Variants in ARL13B observed in about 807,000 individuals in gnomAD.
ARL13B encodes ADP-ribosylation factor-like protein 13B.
Under a neutral mutation model 56.1 loss-of-function variants are expected in ARL13B, and 36 were observed. The observed-to-expected ratio is 0.64, with a 90% confidence interval of 0.49 to 0.85. ARL13B has a LOEUF of 0.85. Ranked by LOEUF, ARL13B falls within the 40% of genes least tolerant of loss-of-function variation. The probability of loss-of-function intolerance (pLI) is 0.00; values close to 1 mark genes in which losing one functional copy is unlikely to be tolerated. For missense variants in ARL13B, 519 were observed against 507.1 expected (o/e 1.02, Z -0.23); for synonymous variants, 178 against 171.1 (o/e 1.04, Z -0.32).
intron 3 of ARL13B, among the ~76,000 whole-genome samples, chr3:94,029,118 A>G (rs2107066984): frequency 6.6e-6 from 1 of 151,190 alleles, no homozygotes. Flanking sequence ...CCAGCAATAT[A>G]TGTTAAATCA....
chr3:94,016,878 C>T (rs186114405), intron 3 of ARL13B, among the ~76,000 whole-genome samples: 3 of 152,256 alleles, frequency 2.0e-5, no homozygotes, highest in African/African-American at 7.2e-5. Context: ...AACTCCTGAC[C>T]TCGTGATCCG....
intron 3 of ARL13B, among the ~76,000 whole-genome samples, chr3:94,027,835 C>G (rs1427722125): frequency 6.6e-6 from 1 of 152,006 alleles, no homozygotes; most frequent in Non-Finnish European, 1.5e-5. Flanking sequence ...TCGATATTTT[C>G]TGGTAGCCCT....
At chr3:94,030,393 ATTTT>A (rs11299685) in intron 3 of ARL13B, among the ~76,000 whole-genome samples, 1 of 119,966 alleles carries the variant, frequency 8.3e-6, no homozygotes. Context: ...CGCCTGGCTC[ATTTT>A]TTTTTTTTTT....
chr3:94,000,464 G>A lies in ARL13B; in HGVS notation c.131-3195G>A, dbSNP rs748814635. Among the ~76,000 whole-genome samples the A allele has an allele frequency of 5.3e-5, 8 of 151,628 alleles. 1 individual carries two copies. Among genetic ancestry groups the A allele is most frequent in the African/African-American group, 1.5e-4 (6 of 41,278 alleles). ...AGGGAACTATTGTTATTTTTGGTGC[G>A]AAAATTCTTTGCGTGGACTGGTCCC... On this transcript the variant is annotated intron_variant, in intron 2 of 9. Coordinates refer to ENST00000394222, the MANE Select transcript of ARL13B (RefSeq NM_001174150.2).
chr3:94,051,880 T>C (rs935508653), intron 9 of ARL13B, among the ~76,000 whole-genome samples: 56 of 152,066 alleles, frequency 3.7e-4, no homozygotes, highest in African/African-American at 1.4e-3. Flanking sequence ...TAGGTCAGTA[T>C]TGAAATATTT....
chr3:93,991,532 T>C (rs548484454), intron 1 of ARL13B, among the ~76,000 whole-genome samples: 2 of 152,236 alleles, frequency 1.3e-5, no homozygotes, highest in African/African-American at 4.8e-5. Flanking sequence ...ACATCACCAT[T>C]CCCAGCTAAT....
At chr3:93,980,760 TGG>T (rs1491561297) in intron 1 of ARL13B, among the ~76,000 whole-genome samples, 7 of 150,272 alleles carry the variant, frequency 4.7e-5, no homozygotes, top group African/African-American at 1.7e-4. Flanking sequence ...TGTGTGTGTG[TGG>T]AATTGAAAAC....
In ARL13B at chr3:93,988,786, A is replaced by ATT. The variant is rs35677824; in HGVS notation, c.60-7073_60-7072dup. 854 of 341,660 alleles carry ATT rather than the reference A, an allele frequency of 2.5e-3. 1 individual carries two copies. Among genetic ancestry groups the ATT allele is most frequent in the Non-Finnish European group, 3.0e-3 (536 of 179,680 alleles). 21.2% of individuals were successfully genotyped at this position (341,660 alleles called of 1,614,324 possible). The stretch of plus-strand genomic sequence containing the variant: ...TGCTCCCCTTTTCCCATTTGTTTGC[A>ATT]TTTTTTTTTTTTTTTTAATCTGAAG... On this transcript the variant is annotated intron_variant, in intron 1 of 9. Transcript: ENST00000394222.
rs2076891307 is a variant in ARL13B at position 94,043,100 on chromosome 3, A to G, written c.884A>G (p.His295Arg). 6.2e-7 allele frequency: 1 copy of G among 1,613,794 alleles called. No homozygotes were observed. The highest frequency in any genetic ancestry group is 8.5e-7 in the Non-Finnish European group (1 of 1,179,936). Residue 295 changes from histidine (H) to arginine (R), a missense_variant, in exon 7 of 10, where the codon CAT (histidine) becomes CGT (arginine). His to Arg is a conservative substitution (Grantham distance 29). Coordinates refer to ENST00000394222, the MANE Select transcript of ARL13B (RefSeq NM_001174150.2). ...DGCHLKHKMEHEQIETQGQVN... is the reference protein window; with the variant it reads ...DGCHLKHKMEREQIETQGQVN... ...TGCCACCTGAAACATAAAATGGAGC[A>G]TGAGCAAATAGAGACACAAGGCCAG... is the stretch of plus-strand genomic sequence containing the variant.
intron 2 of ARL13B, among the ~76,000 whole-genome samples, chr3:94,001,676 T>C (rs1321228014): frequency 6.6e-6 from 1 of 152,160 alleles, no homozygotes; most frequent in Non-Finnish European, 1.5e-5. Context: ...AGCAATCATA[T>C]CTTACTCATC....
intron 7 of ARL13B, among the ~76,000 whole-genome samples, chr3:94,046,215 T>C (rs1298762422): frequency 2.0e-5 from 3 of 152,004 alleles, no homozygotes; most frequent in African/African-American, 7.2e-5. Context: ...CCAATCAAAA[T>C]AGTGAACATA....
chr3:93,987,212 C>A (rs1710515287), intron 1 of ARL13B, among the ~76,000 whole-genome samples: 1 of 151,332 alleles, frequency 6.6e-6, no homozygotes, highest in Non-Finnish European at 1.5e-5. Context: ...AGGTTGGTCT[C>A]AAACTCCTGG....
At chr3:94,035,577 A>G in intron 4 of ARL13B, 141 bp downstream of exon 4, 1 of 610,636 alleles carries the variant, frequency 1.6e-6, no homozygotes, top group South Asian at 2.2e-5. Context: ...TCACATTCCC[A>G]TTTTTCTGTT....
intron 3 of ARL13B, among the ~76,000 whole-genome samples, chr3:94,008,162 A>T (rs2107456308): frequency 6.6e-6 from 1 of 152,322 alleles, no homozygotes; most frequent in Non-Finnish European, 1.5e-5. Context: ...GAGAGTAAAA[A>T]TAAATGCCAT....
chr3:94,031,501 T>C (rs919395122), intron 3 of ARL13B, among the ~76,000 whole-genome samples: 12 of 152,292 alleles, frequency 7.9e-5, no homozygotes, highest in African/African-American at 2.9e-4. Flanking sequence ...TCAAAGACTG[T>C]TGGAGTTGTA....
chr3:94,053,457 A>C lies in ARL13B; in HGVS notation c.*194A>C, dbSNP rs370306318. The C allele has an allele frequency of 4.8e-5, 33 of 689,268 alleles. No individual in the cohort carries two copies. The highest frequency in any genetic ancestry group is 1.2e-4 in the African/African-American group (7 of 56,780). 42.7% of individuals were successfully genotyped at this position (689,268 alleles called of 1,614,324 possible). A position where few individuals can be genotyped will look rare whatever the true frequency, so the allele number is the denominator to read the frequency against. On this transcript the variant is annotated 3_prime_UTR_variant, in exon 10 of 10. Coordinates refer to ENST00000394222, the MANE Select transcript of ARL13B (RefSeq NM_001174150.2). ...TTTTTCATGGTTAAAAAAATAAAAGAAGCACAATGACCAGTACATGAAATC... is the reference window on the plus strand; with the variant it reads ...TTTTTCATGGTTAAAAAAATAAAAGCAGCACAATGACCAGTACATGAAATC...
chr3:94,045,779 G>A (rs1420984640), intron 7 of ARL13B, among the ~76,000 whole-genome samples: 8 of 151,310 alleles, frequency 5.3e-5, no homozygotes, highest in South Asian at 2.1e-4. Context: ...TAGAGACCCC[G>A]TCTCTACTAA....
At position 93,980,505 on chromosome 3, in the gene ARL13B, G is replaced by C. The variant is rs777413858; in HGVS notation, c.59+23G>C. ...CAGGTAGGCTGGAGCCAGCTGTCCTGGCCGTCCTAGGGGTTGGAGATGGCT... is the reference window on the plus strand; with the variant it reads ...CAGGTAGGCTGGAGCCAGCTGTCCTCGCCGTCCTAGGGGTTGGAGATGGCT... On this transcript the variant is annotated intron_variant, in intron 1 of 9. Coordinates refer to ENST00000394222, the MANE Select transcript of ARL13B (RefSeq NM_001174150.2). 64 of 1,607,958 alleles carry C rather than the reference G, an allele frequency of 4.0e-5. 1 individual carries two copies. In the South Asian group the frequency reaches 6.6e-4, roughly 17 times the overall value.
Position 94,043,247 on chromosome 3 carries a change from A to C in ARL13B, c.1024+7A>C, listed in dbSNP as rs1369450378. 13 of 1,606,784 alleles carry C rather than the reference A, an allele frequency of 8.1e-6. No individual in the cohort carries two copies. The highest frequency in any genetic ancestry group is 1.1e-5 in the Non-Finnish European group (13 of 1,174,582). Reference sequence around the variant, plus strand: ...CGGCCATCATTGGAATCAGGTAATAAATCTAGTTATTTAAAGTAATTATCT... The same window carrying C: ...CGGCCATCATTGGAATCAGGTAATACATCTAGTTATTTAAAGTAATTATCT... On this transcript the variant is annotated splice_region_variant and intron_variant, in intron 7 of 9. Coordinates refer to ENST00000394222, the MANE Select transcript of ARL13B (RefSeq NM_001174150.2).
Sources: gnomAD v4.1 joint callset for allele counts (sites outside exome capture counted in the v4.1 genomes callset) on GRCh38, gnomAD v4.1.1 for gene constraint, MANE v1.5 for transcripts, NCBI Gene and HGNC (gene_info 2026-07-23, HGNC 2026-07-21) for gene names.